ABTB3: variants seen among roughly 807,000 people sequenced by gnomAD.
ABTB3 encodes ankyrin repeat- and BTB/POZ domain-containing protein 3.
chr12:107,399,990 A>G, the ABTB3 span, among the ~76,000 whole-genome samples: 2 of 152,154 alleles, frequency 1.3e-5, no homozygotes, highest in Non-Finnish European at 2.9e-5. Flanking sequence ...TTCCAGCTTC[A>G]TCCATGTCCC....
At chr12:107,418,135 C>T in the ABTB3 span, among the ~76,000 whole-genome samples, 21 of 152,182 alleles carry the variant, frequency 1.4e-4, no homozygotes, top group African/African-American at 1.9e-4. Flanking sequence ...GAAAGGCAGA[C>T]CCACTCTTAA....
the ABTB3 span, among the ~76,000 whole-genome samples, chr12:107,575,677 C>G: frequency 6.6e-6 from 1 of 152,190 alleles, no homozygotes; most frequent in Non-Finnish European, 1.5e-5. Flanking sequence ...CCTCTCATTA[C>G]TCCAACCTCT....
the ABTB3 span, among the ~76,000 whole-genome samples, chr12:107,493,494 C>T: frequency 6.6e-6 from 1 of 152,158 alleles, no homozygotes; most frequent in Non-Finnish European, 1.5e-5. Flanking sequence ...GAGGCCGGCC[C>T]CTCTTTCACG....
the ABTB3 span, among the ~76,000 whole-genome samples, chr12:107,542,681 C>T: frequency 6.6e-6 from 1 of 152,114 alleles, no homozygotes; most frequent in African/African-American, 2.4e-5. Flanking sequence ...TACTAATATC[C>T]CACTGTTGAC....
At chr12:107,492,618 CCTT>C in the ABTB3 span, among the ~76,000 whole-genome samples, 1 of 152,178 alleles carries the variant, frequency 6.6e-6, no homozygotes, top group Non-Finnish European at 1.5e-5. Flanking sequence ...CCCTTCACCT[CCTT>C]GTCATCTCTG....
chr12:107,537,838 C>T, the ABTB3 span, among the ~76,000 whole-genome samples: 1 of 152,170 alleles, frequency 6.6e-6, no homozygotes, highest in African/African-American at 2.4e-5. Context: ...TTCAGAGTCC[C>T]CAGGTGGCAT....
chr12:107,369,720 T>G, the ABTB3 span, among the ~76,000 whole-genome samples: 7 of 147,550 alleles, frequency 4.7e-5, no homozygotes, highest in East Asian at 2.0e-4. Context: ...TTTTTTTTTT[T>G]TTTTTTTTTT....
chr12:107,529,534 T>C, the ABTB3 span, among the ~76,000 whole-genome samples: 4 of 152,346 alleles, frequency 2.6e-5, no homozygotes, highest in South Asian at 8.3e-4. Flanking sequence ...ATTAAGTGCT[T>C]ACAATATACC....
the ABTB3 span, among the ~76,000 whole-genome samples, chr12:107,431,265 G>C: frequency 6.6e-6 from 1 of 152,184 alleles, no homozygotes; most frequent in Non-Finnish European, 1.5e-5. Context: ...AGCAGGCTTG[G>C]CCTAGCCACC....
the ABTB3 span, among the ~76,000 whole-genome samples, chr12:107,470,855 C>A: frequency 6.6e-6 from 1 of 152,096 alleles, no homozygotes; most frequent in South Asian, 2.1e-4. Flanking sequence ...AAAGCTGGGG[C>A]CAGCCCGACA....
the ABTB3 span, among the ~76,000 whole-genome samples, chr12:107,368,540 T>C: frequency 7.4e-6 from 1 of 134,558 alleles, no homozygotes; most frequent in Non-Finnish European, 1.7e-5. Flanking sequence ...TGAACAATAA[T>C]GTTGTCATTA....
At chr12:107,651,674 C>T in the ABTB3 span, 2 of 1,612,820 alleles carry the variant, frequency 1.2e-6, no homozygotes, top group Non-Finnish European at 1.7e-6. Context: ...TGATTTTTAG[C>T]TTCTGTCTGC....
chr12:107,512,999 A>G, the ABTB3 span, among the ~76,000 whole-genome samples: 2 of 152,228 alleles, frequency 1.3e-5, no homozygotes, highest in Non-Finnish European at 2.9e-5. Context: ...AAACCCAGGC[A>G]ATGTCAACCC....
At chr12:107,470,070 G>T in the ABTB3 span, among the ~76,000 whole-genome samples, 3 of 137,554 alleles carry the variant, frequency 2.2e-5, no homozygotes, top group East Asian at 2.2e-4. Context: ...ACAGAGTCTT[G>T]CTTCGTAACC....
the ABTB3 span, among the ~76,000 whole-genome samples, chr12:107,414,268 G>A: frequency 5.3e-3 from 814 of 152,236 alleles, 6 homozygotes; most frequent in Admixed American, 8.5e-3. Flanking sequence ...TGGGGGCTCC[G>A]AATACACTGT....
the ABTB3 span, among the ~76,000 whole-genome samples, chr12:107,468,051 C>T: frequency 6.6e-6 from 1 of 152,150 alleles, no homozygotes; most frequent in Admixed American, 6.5e-5. Flanking sequence ...TTAGACTTTG[C>T]TGAAATGCAT....
the ABTB3 span, among the ~76,000 whole-genome samples, chr12:107,490,705 C>A: frequency 2.5e-4 from 38 of 152,248 alleles, no homozygotes; most frequent in East Asian, 6.9e-3. Context: ...AGAGGCCAGG[C>A]AGGTAGTGTT....
chr12:107,446,679 G>A, the ABTB3 span, among the ~76,000 whole-genome samples: 9 of 152,278 alleles, frequency 5.9e-5, no homozygotes, highest in African/African-American at 1.9e-4. Flanking sequence ...AGTGACTAAT[G>A]CCAGCAAAGT....
At chr12:107,326,532 C>G in the ABTB3 span, among the ~76,000 whole-genome samples, 1 of 152,204 alleles carries the variant, frequency 6.6e-6, no homozygotes, top group East Asian at 1.9e-4. Flanking sequence ...ATCATTGGCT[C>G]TCTGACCACC....
Sources: allele counts gnomAD v4.1 joint callset (sites outside exome capture counted in the v4.1 genomes callset), GRCh38; gene constraint gnomAD v4.1.1; transcripts MANE v1.5; gene names NCBI Gene and HGNC (gene_info 2026-07-23, HGNC 2026-07-21).